Variants in ACSS3 observed in about 807,000 individuals in gnomAD.
ACSS3 encodes acyl-CoA synthetase short chain family member 3, also known as acyl-CoA synthetase short-chain family member 3, mitochondrial.
A neutral mutation model predicts 84.2 loss-of-function variants in ACSS3; 64 were observed. That is an observed-to-expected ratio of 0.76 (90% CI 0.62 to 0.94). The LOEUF is 0.94. Ranked by LOEUF, ACSS3 falls within the 40% of genes least tolerant of loss-of-function variation. The pLI is 0.00. For synonymous variants in ACSS3, 317 were observed against 310.1 expected, an observed-to-expected ratio of 1.02 and a Z score of -0.23; for missense variants, 815 against 867.6, an observed-to-expected ratio of 0.94 and a Z score of 0.76.
At chr12:81,083,638 G>C (rs1419073491) in intron 1 of ACSS3, among the ~76,000 whole-genome samples, 3 of 151,894 alleles carry the variant, frequency 2.0e-5, no homozygotes, top group African/African-American at 7.2e-5. Flanking sequence ...GGGATTACAG[G>C]CATGAGCCAC....
intron 12 of ACSS3, among the ~76,000 whole-genome samples, chr12:81,232,218 A>T (rs548251103): frequency 1.3e-5 from 2 of 151,874 alleles, no homozygotes; most frequent in South Asian, 2.1e-4. Flanking sequence ...ATGATTGATT[A>T]TAGCCTGACA....
intron 1 of ACSS3, among the ~76,000 whole-genome samples, chr12:81,084,006 A>G (rs1210760950): frequency 6.6e-6 from 1 of 152,076 alleles, no homozygotes; most frequent in Non-Finnish European, 1.5e-5. Context: ...TCTGTCGGCG[A>G]TGGGTCAGTA....
intron 8 of ACSS3, among the ~76,000 whole-genome samples, chr12:81,182,885 C>T (rs1055897528): frequency 1.3e-5 from 2 of 152,078 alleles, no homozygotes; most frequent in Admixed American, 1.3e-4. Context: ...TACCTAAATG[C>T]TTGTCAAATG....
chr12:81,215,849 T>TA (rs35206821), intron 9 of ACSS3, among the ~76,000 whole-genome samples: 8,184 of 152,214 alleles, frequency 0.054, 394 homozygotes, highest in African/African-American at 0.13. Context: ...GGTAATCAGG[T>TA]AATAGCTAAT....
intron 2 of ACSS3, among the ~76,000 whole-genome samples, chr12:81,125,167 T>C (rs2574748): frequency 0.31 from 47,316 of 152,082 alleles, 7,641 homozygotes; most frequent in Admixed American, 0.44. Context: ...TGAGCCGAGA[T>C]TGCGCCACCG....
At chr12:81,128,589 ATTTAAGAAGGTG>A (rs912275182) in intron 2 of ACSS3, among the ~76,000 whole-genome samples, 1 of 152,174 alleles carries the variant, frequency 6.6e-6, no homozygotes, top group South Asian at 2.1e-4. Flanking sequence ...TTAAAAACAA[ATTTAAGAAGGTG>A]CAAAGATGAA....
intron 8 of ACSS3, among the ~76,000 whole-genome samples, chr12:81,181,782 A>G (rs1318121934): frequency 7.0e-6 from 1 of 143,872 alleles, no homozygotes; most frequent in African/African-American, 2.5e-5. Context: ...ATAGAGAGCT[A>G]CAATAGTAGA....
At chr12:81,219,989 A>C (rs891503640) in intron 10 of ACSS3, 24 bp from the exon 11 acceptor site, 2 of 1,418,826 alleles carry the variant, frequency 1.4e-6, no homozygotes, top group African/African-American at 3.0e-5. Context: ...ATTTTTATTC[A>C]AATATTTATA....
At chr12:81,164,940 C>G (rs137967409) in intron 7 of ACSS3, among the ~76,000 whole-genome samples, 3 of 152,156 alleles carry the variant, frequency 2.0e-5, no homozygotes, top group African/African-American at 7.2e-5. Context: ...TCCTTTTCTT[C>G]CCTTCATGTA....
chr12:81,254,969 A>G lies in ACSS3; in HGVS notation c.*47A>G. On this transcript the variant is annotated 3_prime_UTR_variant, in exon 16 of 16. Coordinates refer to ENST00000548058, the MANE Select transcript of ACSS3 (RefSeq NM_024560.4). Reference sequence around the variant, plus strand: ...TTGAGTTGATTTAATTTCTTAATTGAAATTAAATTATTTGAGTTGTTTCTC... The same window carrying G: ...TTGAGTTGATTTAATTTCTTAATTGGAATTAAATTATTTGAGTTGTTTCTC... 1 of 1,409,304 alleles carries G rather than the reference A, an allele frequency of 7.1e-7. No individual in the cohort carries two copies. Among genetic ancestry groups the G allele is most frequent in the Non-Finnish European group, 9.7e-7 (1 of 1,033,070 alleles). The allele number at this position is 1,409,304 out of a possible 1,614,324, so 87.3% of individuals were successfully genotyped here.
chr12:81,100,577 C>T (rs1311913896), intron 1 of ACSS3, among the ~76,000 whole-genome samples: 3 of 152,258 alleles, frequency 2.0e-5, no homozygotes, highest in African/African-American at 4.8e-5. Flanking sequence ...TTGAATTTGC[C>T]GAAACTGATA....
At chr12:81,098,349 T>C (rs1008526209) in intron 1 of ACSS3, among the ~76,000 whole-genome samples, 1 of 152,194 alleles carries the variant, frequency 6.6e-6, no homozygotes, top group Non-Finnish European at 1.5e-5. Context: ...ATAGCTCATA[T>C]TTATTTCAGT....
intron 11 of ACSS3, among the ~76,000 whole-genome samples, chr12:81,230,800 A>G (rs184382053): frequency 5.9e-4 from 89 of 151,952 alleles, no homozygotes; most frequent in African/African-American, 1.6e-3. Flanking sequence ...CTTATTGCTA[A>G]TAGTTATTTG....
intron 2 of ACSS3, 117 bp from the exon 3 acceptor site, chr12:81,134,699 T>C: frequency 1.3e-6 from 1 of 778,546 alleles, no homozygotes; most frequent in Non-Finnish European, 1.8e-6. Context: ...ATGTGTTACT[T>C]AGGCTCCTTT....
Position 81,143,184 on chromosome 12 carries a change from T to C in ACSS3, c.858T>C (p.Val286=). Residue 286 remains valine, a synonymous_variant, in exon 5 of 16, where the codon GTT becomes GTC. Transcript: ENST00000548058. The stretch of plus-strand genomic sequence containing the variant: ...CAAAAGCCCAGTCACATGACTGTGT[T>C]CCTGTTCTTTCAGAACACCCACTGT... ...EMAKAQSHDC[V]PVLSEHPLYI... is the part of the protein sequence containing the mutation. 1 of 1,613,690 alleles carries C rather than the reference T, an allele frequency of 6.2e-7. No individual in the cohort carries two copies. The highest frequency in any genetic ancestry group is 8.5e-7 in the Non-Finnish European group (1 of 1,179,652).
intron 13 of ACSS3, among the ~76,000 whole-genome samples, chr12:81,243,836 T>C (rs1354505104): frequency 6.6e-6 from 1 of 152,174 alleles, no homozygotes; most frequent in Non-Finnish European, 1.5e-5. Context: ...ACACACATTG[T>C]TGCTATTATT....
At chr12:81,171,554 A>G (rs2030045565) in intron 7 of ACSS3, among the ~76,000 whole-genome samples, 1 of 152,180 alleles carries the variant, frequency 6.6e-6, no homozygotes, top group Non-Finnish European at 1.5e-5. Flanking sequence ...TTATGAAAGA[A>G]CATTGTGGGA....
chr12:81,201,809 G>T (rs1265096723), intron 9 of ACSS3, among the ~76,000 whole-genome samples: 2 of 152,072 alleles, frequency 1.3e-5, no homozygotes, highest in Non-Finnish European at 1.5e-5. Context: ...TATTTGAATG[G>T]GTAGATAGGT....
chr12:81,238,946 T>G (rs2033709047), intron 13 of ACSS3, among the ~76,000 whole-genome samples: 1 of 151,888 alleles, frequency 6.6e-6, no homozygotes, highest in South Asian at 2.1e-4. Flanking sequence ...GGTGAAAGTT[T>G]ACATAATTGA....
Sources: gnomAD v4.1 joint callset for allele counts (sites outside exome capture counted in the v4.1 genomes callset) on GRCh38, gnomAD v4.1.1 for gene constraint, MANE v1.5 for transcripts, NCBI Gene and HGNC (gene_info 2026-07-23, HGNC 2026-07-21) for gene names.